Variants in NEIL3 observed in about 807,000 individuals in gnomAD.
NEIL3 encodes nei like DNA glycosylase 3.
In NEIL3, 48 loss-of-function variants were observed where a neutral mutation model predicts 57.5. The ratio of observed to expected loss-of-function variants is 0.83; its 90% confidence interval spans 0.66 to 1.06. NEIL3 has a LOEUF of 1.06. NEIL3 is among the 50% of genes least tolerant of loss of function. The probability of loss-of-function intolerance (pLI) is 0.00; values close to 1 mark genes in which losing one functional copy is unlikely to be tolerated. For missense variants in NEIL3, 717 were observed against 739.1 expected (o/e 0.97, Z 0.35); for synonymous variants, 261 against 253.2 (o/e 1.03, Z -0.29).
intron 1 of NEIL3, among the ~76,000 whole-genome samples, chr4:177,315,136 A>G (rs1304560547): frequency 6.6e-6 from 1 of 151,480 alleles, no homozygotes; most frequent in Non-Finnish European, 1.5e-5. Flanking sequence ...AAGAGGAGAG[A>G]GTATGAAAGT....
intron 2 of NEIL3, among the ~76,000 whole-genome samples, chr4:177,327,776 A>AT (rs1257069072): frequency 2.0e-5 from 3 of 151,922 alleles, no homozygotes; most frequent in Non-Finnish European, 4.4e-5. Flanking sequence ...TTTTTCAAGT[A>AT]TTTTTTCTGC....
rs200277760 is a variant in NEIL3, at chr4:177,322,597, C to A, written c.278+17C>A. On this transcript the variant is annotated intron_variant, in intron 2 of 9. Transcript: ENST00000264596. Reference sequence around the variant, plus strand: ...AGCTTTACGGTAAGATAAGCCTGTACGATACATCTTATCTCTCTATATTTA... The same window carrying A: ...AGCTTTACGGTAAGATAAGCCTGTAAGATACATCTTATCTCTCTATATTTA... 2 of 1,613,340 alleles carry A rather than the reference C, an allele frequency of 1.2e-6. No individual in the cohort carries two copies. Among genetic ancestry groups the A allele is most frequent in the East Asian group, 2.2e-5 (1 of 44,872 alleles).
chr4:177,345,122 G>T (rs539479526), intron 6 of NEIL3, among the ~76,000 whole-genome samples: 1 of 152,290 alleles, frequency 6.6e-6, no homozygotes, highest in South Asian at 2.1e-4. Context: ...TGATGGAAGT[G>T]TTGTAAAGGG....
chr4:177,367,057 G>A (rs1735701884), downstream of NEIL3, among the ~76,000 whole-genome samples: 1 of 152,070 alleles, frequency 6.6e-6, no homozygotes, highest in Admixed American at 6.6e-5. Flanking sequence ...CTTTGGTTTT[G>A]GGAGCATGTA....
chr4:177,363,887 A>G (rs556441088), downstream of NEIL3, among the ~76,000 whole-genome samples: 4 of 152,230 alleles, frequency 2.6e-5, no homozygotes, highest in East Asian at 5.8e-4. Flanking sequence ...AGTAGCTGGG[A>G]ATACAGGTGT....
intron 4 of NEIL3, among the ~76,000 whole-genome samples, chr4:177,338,427 A>C (rs1735019988): frequency 6.6e-6 from 1 of 152,188 alleles, no homozygotes; most frequent in South Asian, 2.1e-4. Context: ...AGTCAGCCCT[A>C]CACACATGCA....
intron 8 of NEIL3, 55 bp downstream of exon 8, chr4:177,353,783 T>TTA: frequency 8.1e-7 from 1 of 1,233,362 alleles, no homozygotes; most frequent in Non-Finnish European, 1.1e-6. Context: ...TTTTTTTTTT[T>TTA]AAGACGAGGT....
chr4:177,359,640 G>T (rs113028071), intron 8 of NEIL3, among the ~76,000 whole-genome samples: 5 of 152,054 alleles, frequency 3.3e-5, no homozygotes, highest in African/African-American at 1.2e-4. Context: ...AAAAAAATAG[G>T]AATATTAAGA....
At chr4:177,325,321 G>A (rs533129201) in intron 2 of NEIL3, among the ~76,000 whole-genome samples, 1 of 152,164 alleles carries the variant, frequency 6.6e-6, no homozygotes, top group South Asian at 2.1e-4. Context: ...AAATAGAAGT[G>A]TACTTTTACT....
intron 6 of NEIL3, among the ~76,000 whole-genome samples, chr4:177,350,048 G>A (rs1418744536): frequency 6.6e-6 from 1 of 152,112 alleles, no homozygotes; most frequent in Non-Finnish European, 1.5e-5. Context: ...GTCAAGGGAA[G>A]TAAAGATAAA....
chr4:177,315,953 A>G (rs532115443), intron 1 of NEIL3, among the ~76,000 whole-genome samples: 10 of 152,344 alleles, frequency 6.6e-5, no homozygotes, highest in Admixed American at 5.2e-4. Context: ...AATTAAGCAC[A>G]GTAGTACCAC....
intron 6 of NEIL3, among the ~76,000 whole-genome samples, chr4:177,347,582 CG>C (rs1735249691): frequency 6.6e-6 from 1 of 152,004 alleles, no homozygotes; most frequent in African/African-American, 2.4e-5. Context: ...GGAATAGAGA[CG>C]GTCATGGAAC....
At chr4:177,322,356 ACCTGGG>A in intron 1 of NEIL3, 97 bp from the exon 2 acceptor site, 1 of 1,440,538 alleles carries the variant, frequency 6.9e-7, no homozygotes, top group Non-Finnish European at 9.6e-7. Flanking sequence ...ATTGGAATGC[ACCTGGG>A]CGTGAAGTAA....
intron 2 of NEIL3, among the ~76,000 whole-genome samples, chr4:177,333,491 G>C (rs1578994253): frequency 6.6e-6 from 1 of 152,148 alleles, no homozygotes; most frequent in East Asian, 1.9e-4. Flanking sequence ...GTTGACTTTG[G>C]CACCAAAAAC....
At chr4:177,320,243 A>G (rs1357547534) in intron 1 of NEIL3, among the ~76,000 whole-genome samples, 3 of 152,132 alleles carry the variant, frequency 2.0e-5, no homozygotes, top group Admixed American at 6.5e-5. Flanking sequence ...TTGTCAATTC[A>G]GGGCTCTAAA....
At position 177,314,364 on chromosome 4, in the gene NEIL3, A is replaced by T. The variant is rs33998209; in HGVS notation, c.156+4255A>T. On this transcript the variant is annotated intron_variant, in intron 1 of 9. Transcript: ENST00000264596. ...CATGCTGCAGAGAAGAGAGCATCTG[A>T]TCATCTTGATTTTGAATTCCCATTT... 6.7e-3 allele frequency among the ~76,000 whole-genome samples: 1,023 copies of T among 152,320 alleles called. 8 individuals carry two copies. The highest frequency in any genetic ancestry group is 0.024 in the African/African-American group (986 of 41,574).
chr4:177,310,470 T>TA (rs907048808), intron 1 of NEIL3, among the ~76,000 whole-genome samples: 3 of 152,370 alleles, frequency 2.0e-5, no homozygotes, highest in South Asian at 2.1e-4. Context: ...CTACCTCTGA[T>TA]ATGTTTTCTT....
chr4:177,356,018 T>C (rs866535608), intron 8 of NEIL3, among the ~76,000 whole-genome samples: 1 of 152,218 alleles, frequency 6.6e-6, no homozygotes, highest in Admixed American at 6.5e-5. Flanking sequence ...TGCCTCATGA[T>C]AGAAGTTCAT....
At chr4:177,358,998 TCTTGA>T (rs1406328666) in intron 8 of NEIL3, among the ~76,000 whole-genome samples, 23 of 152,234 alleles carry the variant, frequency 1.5e-4, no homozygotes, top group African/African-American at 4.6e-4. Context: ...TTGTGAAATC[TCTTGA>T]CTTCTCTACA....
Sources: allele counts gnomAD v4.1 joint callset (sites outside exome capture counted in the v4.1 genomes callset), GRCh38; gene constraint gnomAD v4.1.1; transcripts MANE v1.5; gene names NCBI Gene and HGNC (gene_info 2026-07-23, HGNC 2026-07-21).